The following AGO1 variants were observed in gnomAD, a reference collection of about 807,000 sequenced individuals.
AGO1 encodes argonaute RISC component 1.
Under a neutral mutation model 109.2 loss-of-function variants are expected in AGO1, and 11 were observed. The ratio of observed to expected loss-of-function variants is 0.10; its 90% CI spans 0.06 to 0.17. The LOEUF is 0.17. Among genes scored for constraint, AGO1 ranks in the 10% least tolerant of loss-of-function variants. The probability of loss-of-function intolerance (pLI) is 1.00; values close to 1 mark genes in which losing one functional copy is unlikely to be tolerated. For synonymous variants in AGO1, 422 were observed against 418.6 expected (o/e 1.01, Z -0.10); for missense variants, 574 against 1,140.3 (o/e 0.50, Z 7.15).
chr1:35,901,930 C>G lies in AGO1; in HGVS notation c.1141-18C>G. On this transcript the variant is annotated intron_variant, in intron 9 of 18. Transcript: ENST00000373204. The surrounding 1 kb of genome is among the most constrained non-coding windows in gnomAD (Gnocchi z 4.8). ...CCAAGCTCCTGTTCTCCTGAGATTG[C>G]TCTCTTTTGTCCTGCAGATGAAGAA... The G allele has an allele frequency of 6.4e-7, 1 of 1,563,604 alleles. No individual in the cohort carries two copies. Among genetic ancestry groups the G allele is most frequent in the East Asian group, 2.2e-5 (1 of 44,570 alleles).
chr1:35,898,280 G>A lies in AGO1; in HGVS notation c.1020+3011G>A, dbSNP rs1009927970. On this transcript the variant is annotated intron_variant, in intron 8 of 18. Coordinates refer to ENST00000373204, the MANE Select transcript of AGO1 (RefSeq NM_012199.5). ...AACATCTTTTTTTTTTTTTTGAGAC[G>A]GAGTATCGCTCTGTTACCCAGGCTG... Among the ~76,000 whole-genome samples the A allele has an allele frequency of 3.4e-5, 5 of 148,992 alleles. No individual in the cohort carries two copies. In the South Asian group the frequency reaches 6.3e-4, roughly 19 times the overall value.
At chr1:35,896,241 T>G (rs551972316) in intron 8 of AGO1, among the ~76,000 whole-genome samples, 2 of 152,174 alleles carry the variant, frequency 1.3e-5, no homozygotes, top group African/African-American at 4.8e-5. Flanking sequence ...TCAGGTGATC[T>G]GCCCACCTTG....
intron 2 of AGO1, among the ~76,000 whole-genome samples, chr1:35,892,148 G>A (rs1287627743): frequency 1.3e-5 from 2 of 152,196 alleles, no homozygotes; most frequent in Admixed American, 6.5e-5. Flanking sequence ...GGCTGCCCAA[G>A]TACTGGGATT....
chr1:35,894,446 G>A (rs1013273471), intron 7 of AGO1, 44 bp downstream of exon 7: 12 of 1,589,452 alleles, frequency 7.5e-6, no homozygotes, highest in African/African-American at 1.3e-5. Context: ...TGGTGGAGAA[G>A]GGCTGAGATT....
chr1:35,871,618 A>G (rs1366578367), intron 1 of AGO1, among the ~76,000 whole-genome samples: 1 of 151,830 alleles, frequency 6.6e-6, no homozygotes, highest in East Asian at 1.9e-4. Flanking sequence ...CATGCTTGCA[A>G]TCCCAGCACT....
intron 8 of AGO1, among the ~76,000 whole-genome samples, chr1:35,896,619 A>G (rs561231232): frequency 5.9e-5 from 9 of 152,226 alleles, no homozygotes; most frequent in Non-Finnish European, 8.8e-5. Flanking sequence ...TCGGCCTCCC[A>G]AAGTGCTGGA....
chr1:35,904,911 G>A (rs72661616), intron 11 of AGO1, among the ~76,000 whole-genome samples: 7,691 of 152,256 alleles, frequency 0.051, 267 homozygotes, highest in South Asian at 0.083. Flanking sequence ...TGAGAAAGTG[G>A]GGGAAAACAT....
upstream of AGO1, among the ~76,000 whole-genome samples, chr1:35,878,348 G>T (rs1645008855): frequency 6.6e-6 from 1 of 152,146 alleles, no homozygotes; most frequent in African/African-American, 2.4e-5. Flanking sequence ...GCCTCCCACA[G>T]TGCTGGGATT....
chr1:35,917,552 T>G, intron 15 of AGO1, 41 bp from the exon 16 acceptor site: 1 of 1,593,104 alleles, frequency 6.3e-7, no homozygotes, highest in Non-Finnish European at 8.6e-7. Flanking sequence ...CAAGAGGAAC[T>G]GTGTATTTCT....
intron 1 of AGO1, among the ~76,000 whole-genome samples, chr1:35,871,086 T>C (rs1192070862): frequency 6.6e-6 from 1 of 152,212 alleles, no homozygotes; most frequent in Non-Finnish European, 1.5e-5. Context: ...TTTTCTGTAG[T>C]GGAATTGCTG....
At chr1:35,874,104 G>C (rs1440003702) in intron 1 of AGO1, among the ~76,000 whole-genome samples, 1 of 152,312 alleles carries the variant, frequency 6.6e-6, no homozygotes, top group East Asian at 1.9e-4. Flanking sequence ...TATTGCAATT[G>C]TTTTGGGGCA....
intron 1 of AGO1, among the ~76,000 whole-genome samples, chr1:35,870,534 C>CG (rs1286859403): frequency 2.6e-5 from 4 of 152,090 alleles, no homozygotes; most frequent in African/African-American, 4.8e-5. Context: ...CTGCACGCCT[C>CG]GCCTCCCAAA....
intron 12 of AGO1, among the ~76,000 whole-genome samples, chr1:35,911,722 A>G (rs895500915): frequency 1.3e-5 from 2 of 152,026 alleles, no homozygotes; most frequent in East Asian, 3.9e-4. Context: ...TCAGTCCTAC[A>G]TTTTCTTCCT....
rs1247378787 is a variant in AGO1, at chr1:35,929,227, T to C, written c.*9620T>C. ...CCTTTGGCAGAATCCTTCAAACCTC[T>C]TTGTCTTCCTACTTCTTGATATTAC... On this transcript the variant is annotated 3_prime_UTR_variant, in exon 19 of 19. Transcript: ENST00000373204. 2 of 152,244 alleles carry C rather than the reference T, an allele frequency of 1.3e-5. No homozygotes were observed. The highest frequency in any genetic ancestry group is 4.8e-5 in the African/African-American group (2 of 41,466). 9.4% of individuals were successfully genotyped at this position (152,244 alleles called of 1,614,324 possible). A position where few individuals can be genotyped will look rare whatever the true frequency, so the allele number is the denominator to read the frequency against.
At chr1:35,916,053 T>C (rs1244351611) in intron 15 of AGO1, among the ~76,000 whole-genome samples, 1 of 152,076 alleles carries the variant, frequency 6.6e-6, no homozygotes, top group Non-Finnish European at 1.5e-5. Context: ...ACTTCTATCC[T>C]GAACTGGTAT....
chr1:35,913,350 A>C (rs1055743720), intron 12 of AGO1, among the ~76,000 whole-genome samples: 2 of 152,142 alleles, frequency 1.3e-5, no homozygotes, highest in African/African-American at 2.4e-5. Context: ...GGCTACCCTT[A>C]TCTCCTCTGG....
At chr1:35,913,290 A>T (rs1368973716) in intron 12 of AGO1, among the ~76,000 whole-genome samples, 6 of 152,136 alleles carry the variant, frequency 3.9e-5, no homozygotes, top group Non-Finnish European at 8.8e-5. Context: ...AAGTGCTGGG[A>T]TTACAGGCGT....
At chr1:35,897,728 C>G (rs1263582029) in intron 8 of AGO1, among the ~76,000 whole-genome samples, 1 of 147,834 alleles carries the variant, frequency 6.8e-6, no homozygotes, top group Non-Finnish European at 1.5e-5. Context: ...GACCCTGTCT[C>G]AAAAAAAAAT....
intron 12 of AGO1, 68 bp from the exon 13 acceptor site, chr1:35,913,774 C>G (rs1645684683): frequency 6.5e-7 from 1 of 1,529,588 alleles, no homozygotes; most frequent in Non-Finnish European, 9.0e-7. Flanking sequence ...TCATACACTG[C>G]CTGGCATCTA....
Sources: gnomAD v4.1 joint callset for allele counts (sites outside exome capture counted in the v4.1 genomes callset) on GRCh38, gnomAD v4.1.1 for gene constraint, Gnocchi (gnomAD v3.1) non-coding constraint, MANE v1.5 for transcripts, NCBI Gene and HGNC (gene_info 2026-07-23, HGNC 2026-07-21) for gene names.